RBFOX1: variants seen among roughly 807,000 people sequenced by gnomAD.
The protein encoded by RBFOX1 is RNA binding protein fox-1 homolog 1.
RBFOX1 carries 8 observed loss-of-function variants against 57.7 expected under a neutral mutation model. The observed-to-expected ratio is 0.14, with a 90% CI of 0.08 to 0.25. The LOEUF (loss-of-function observed/expected upper bound fraction) is 0.25, where lower values mean the gene tolerates loss of function less well. RBFOX1 is among the 10% of genes least tolerant of loss of function. The pLI is 1.00. For missense variants in RBFOX1, 611 were observed against 548.5 expected, an observed-to-expected ratio of 1.11 and a Z score of -1.14; for synonymous variants, 326 against 222.4, an observed-to-expected ratio of 1.47 and a Z score of -4.15.
intron 2 of RBFOX1, among the ~76,000 whole-genome samples, chr16:6,487,749 ATAT>A (rs1567406005): frequency 7.6e-5 from 6 of 78,784 alleles, no homozygotes; most frequent in East Asian, 4.1e-4. Context: ...ATATATATAT[ATAT>A]ATAAAATATT....
At chr16:5,497,215 A>G (rs114083094) in intron 2 of RBFOX1, among the ~76,000 whole-genome samples, 2 of 151,812 alleles carry the variant, frequency 1.3e-5, no homozygotes, top group African/African-American at 4.8e-5. Context: ...CACTCTTGAA[A>G]TTTACTTTGC....
At chr16:5,969,093 A>G (rs1169889615) in intron 4 of RBFOX1, among the ~76,000 whole-genome samples, 1 of 151,374 alleles carries the variant, frequency 6.6e-6, no homozygotes, top group African/African-American at 2.4e-5. Context: ...TGCCTTTCTA[A>G]TTCTGATTTA....
chr16:6,031,930 C>A (rs142744426), intron 1 of RBFOX1, among the ~76,000 whole-genome samples: 1 of 152,286 alleles, frequency 6.6e-6, no homozygotes, highest in East Asian at 1.9e-4. Context: ...TACAGTCTCA[C>A]GAGAAAGGGG....
chr16:6,225,497 A>G (rs2097409673), intron 1 of RBFOX1, among the ~76,000 whole-genome samples: 1 of 152,176 alleles, frequency 6.6e-6, no homozygotes, highest in East Asian at 1.9e-4. Flanking sequence ...AGATTTTTAT[A>G]TTAGATAACT....
chr16:6,812,926 C>A (rs950220097), intron 3 of RBFOX1, among the ~76,000 whole-genome samples: 2 of 152,136 alleles, frequency 1.3e-5, no homozygotes, highest in African/African-American at 2.4e-5. Context: ...TCATTGCTGT[C>A]TTTCTTTGGA....
chr16:5,590,069 AC>A (rs2046956541), intron 2 of RBFOX1, among the ~76,000 whole-genome samples: 1 of 151,428 alleles, frequency 6.6e-6, no homozygotes, highest in Non-Finnish European at 1.5e-5. Context: ...ACACACACAC[AC>A]ACACACAAAA....
chr16:6,444,557 C>T (rs920609950), intron 2 of RBFOX1, among the ~76,000 whole-genome samples: 8 of 152,154 alleles, frequency 5.3e-5, no homozygotes, highest in South Asian at 2.1e-4. Context: ...CCATGTAAGA[C>T]GTGACTTATT....
chr16:7,055,070 A>G (rs750134015), intron 4 of RBFOX1, among the ~76,000 whole-genome samples: 3 of 152,186 alleles, frequency 2.0e-5, no homozygotes, highest in Non-Finnish European at 2.9e-5. Context: ...AATATCTTGA[A>G]GATATTAAGG....
chr16:5,954,372 G>A (rs942410088), intron 4 of RBFOX1, among the ~76,000 whole-genome samples: 3 of 151,774 alleles, frequency 2.0e-5, no homozygotes, highest in African/African-American at 7.3e-5. Context: ...AGGTGGTGCC[G>A]GGTCTCTTCT....
intron 1 of RBFOX1, among the ~76,000 whole-genome samples, chr16:5,276,562 A>G (rs879608901): frequency 6.6e-6 from 1 of 152,200 alleles, no homozygotes; most frequent in Non-Finnish European, 1.5e-5. Context: ...AGGCGGGTGT[A>G]TCACGAGGTC....
chr16:5,979,963 C>T (rs901895193), intron 4 of RBFOX1, among the ~76,000 whole-genome samples: 72 of 152,264 alleles, frequency 4.7e-4, no homozygotes, highest in African/African-American at 1.6e-3. Context: ...GATTTGAACC[C>T]AGACAGTCTG....
chr16:7,615,031 C>A (rs1225112573), intron 10 of RBFOX1: 1 of 152,154 alleles, frequency 6.6e-6, no homozygotes, highest in African/African-American at 2.4e-5. Context: ...CATGAGGTCA[C>A]AGAATATAAT....
chr16:7,630,492 G>C, intron 10 of RBFOX1, 111 bp from the exon 11 acceptor site: 2 of 1,543,936 alleles, frequency 1.3e-6, no homozygotes, highest in East Asian at 2.4e-5. Context: ...CTGCGCTCTG[G>C]GATGTGGCTA....
intron 4 of RBFOX1, among the ~76,000 whole-genome samples, chr16:7,463,225 C>G (rs558290197): frequency 2.0e-5 from 3 of 152,238 alleles, no homozygotes; most frequent in South Asian, 4.1e-4. Flanking sequence ...TGAATCTAGC[C>G]AGGCATGCTG....
At chr16:7,627,764 G>T (rs1596803986) in intron 10 of RBFOX1, among the ~76,000 whole-genome samples, 1 of 152,158 alleles carries the variant, frequency 6.6e-6, no homozygotes, top group Non-Finnish European at 1.5e-5. Context: ...AATTCAAAGC[G>T]TCCTTTTAAG....
At chr16:7,433,693 A>C (rs1185175251) in intron 4 of RBFOX1, among the ~76,000 whole-genome samples, 1 of 152,140 alleles carries the variant, frequency 6.6e-6, no homozygotes, top group East Asian at 1.9e-4. Context: ...CATCCCTTCT[A>C]CCATCCTTCT....
intron 1 of RBFOX1, among the ~76,000 whole-genome samples, chr16:6,096,339 A>G (rs1195525599): frequency 6.6e-6 from 1 of 152,092 alleles, no homozygotes; most frequent in East Asian, 1.9e-4. Context: ...CGTTCCCCAG[A>G]TGCATTATTG....
At chr16:7,428,494 T>A (rs577764509) in intron 4 of RBFOX1, among the ~76,000 whole-genome samples, 77 of 128,716 alleles carry the variant, frequency 6.0e-4, no homozygotes, top group African/African-American at 2.1e-3. Flanking sequence ...TCCTGGCTAT[T>A]TTATTATTAT....
chr16:5,441,612 AC>A (rs924011344), intron 1 of RBFOX1, among the ~76,000 whole-genome samples: 5 of 152,162 alleles, frequency 3.3e-5, no homozygotes, highest in Admixed American at 2.6e-4. Flanking sequence ...TGATTCACCC[AC>A]CTTGACCTCC....
Sources: gnomAD v4.1 joint callset for allele counts (sites outside exome capture counted in the v4.1 genomes callset) on GRCh38, gnomAD v4.1.1 for gene constraint, MANE v1.5 for transcripts, NCBI Gene and HGNC (gene_info 2026-07-23, HGNC 2026-07-21) for gene names.